Variants in SLC1A1 observed in about 807,000 individuals in gnomAD.
The protein encoded by SLC1A1 is solute carrier family 1 member 1, also known as excitatory amino acid transporter 3.
SLC1A1 carries 43 observed loss-of-function variants against 53.3 expected under a neutral mutation model. The observed-to-expected ratio is 0.81, with a 90% CI of 0.63 to 1.04. SLC1A1 has a LOEUF of 1.04. SLC1A1 is among the 50% of genes least tolerant of loss of function. SLC1A1 has a pLI of 0.00. For synonymous variants in SLC1A1, 307 were observed against 243.2 expected, an observed-to-expected ratio of 1.26 and a Z score of -2.44; for missense variants, 748 against 664.9, an observed-to-expected ratio of 1.12 and a Z score of -1.37.
intron 9 of SLC1A1, 97 bp downstream of exon 9, chr9:4,576,220 A>G: frequency 8.0e-7 from 1 of 1,243,684 alleles, no homozygotes; most frequent in South Asian, 1.2e-5. Flanking sequence ...CGGTTTTTGT[A>G]GCTGTCTTTG....
At chr9:4,522,721 G>A (rs527352158) in intron 1 of SLC1A1, among the ~76,000 whole-genome samples, 4 of 152,168 alleles carry the variant, frequency 2.6e-5, no homozygotes, top group Non-Finnish European at 5.9e-5. Context: ...GAGAGTGTGA[G>A]CGTGTGAAGG....
chr9:4,509,691 C>G (rs78811686), intron 1 of SLC1A1, among the ~76,000 whole-genome samples: 5,641 of 152,106 alleles, frequency 0.037, 150 homozygotes, highest in Middle Eastern at 0.075. Context: ...CAGAGCAGGA[C>G]AAAGAAAGAC....
chr9:4,548,069 CTG>C (rs1057192664), intron 2 of SLC1A1, among the ~76,000 whole-genome samples: 18 of 151,970 alleles, frequency 1.2e-4, no homozygotes, highest in Non-Finnish European at 5.9e-5. Context: ...TCAACTGAAC[CTG>C]TGTTTTTGTT....
chr9:4,496,766 G>C (rs1038183200), intron 1 of SLC1A1, among the ~76,000 whole-genome samples: 1 of 152,040 alleles, frequency 6.6e-6, no homozygotes, highest in Admixed American at 6.5e-5. Flanking sequence ...GCACGATGGT[G>C]CGTGCCTGTG....
At chr9:4,490,910 C>T (rs1820211444) in intron 1 of SLC1A1, 140 bp downstream of exon 1, 1 of 688,688 alleles carries the variant, frequency 1.5e-6, no homozygotes, top group Non-Finnish European at 2.5e-6. Flanking sequence ...GCCTCGGGCC[C>T]CCTGCGGGGG....
intron 1 of SLC1A1, among the ~76,000 whole-genome samples, chr9:4,505,658 G>C (rs1023224859): frequency 6.6e-6 from 1 of 151,858 alleles, no homozygotes; most frequent in African/African-American, 2.4e-5. Flanking sequence ...TGTTGTTGTT[G>C]TTTTTCTTTT....
chr9:4,580,019 G>A (rs887032456), intron 10 of SLC1A1, among the ~76,000 whole-genome samples: 11 of 152,086 alleles, frequency 7.2e-5, no homozygotes, highest in Non-Finnish European at 1.0e-4. Flanking sequence ...CCAGGAGTTC[G>A]AGACAAGCCT....
At chr9:4,545,407 G>A (rs1318178766) in intron 2 of SLC1A1, among the ~76,000 whole-genome samples, 1 of 152,142 alleles carries the variant, frequency 6.6e-6, no homozygotes, top group East Asian at 1.9e-4. Flanking sequence ...AACGTTATCT[G>A]GGGCATGGGA....
At chr9:4,541,652 G>C (rs1407357928) in intron 1 of SLC1A1, among the ~76,000 whole-genome samples, 7 of 152,180 alleles carry the variant, frequency 4.6e-5, no homozygotes, top group African/African-American at 1.4e-4. Context: ...GAGAAACAAA[G>C]GTTACAGCTG....
chr9:4,541,120 G>A (rs1025117185), intron 1 of SLC1A1, among the ~76,000 whole-genome samples: 15 of 152,286 alleles, frequency 9.8e-5, no homozygotes, highest in African/African-American at 3.6e-4. Context: ...GTTTACTTTT[G>A]AGAATTCCTT....
chr9:4,535,439 G>A lies in SLC1A1; in HGVS notation c.92-9128G>A, dbSNP rs545537926. ...ACAGACAAACAGAGAGCCAAATCATGAGTGAACTCCCATTCACAATTGCTT... is the reference window on the plus strand; with the variant it reads ...ACAGACAAACAGAGAGCCAAATCATAAGTGAACTCCCATTCACAATTGCTT... On this transcript the variant is annotated intron_variant, in intron 1 of 11. Coordinates refer to ENST00000262352, the MANE Select transcript of SLC1A1 (RefSeq NM_004170.6). Among the ~76,000 whole-genome samples the A allele has an allele frequency of 3.9e-5, 6 of 152,234 alleles. No individual in the cohort carries two copies. In the South Asian group the frequency reaches 1.0e-3, roughly 26 times the overall value.
intron 1 of SLC1A1, among the ~76,000 whole-genome samples, chr9:4,540,196 G>A (rs945343608): frequency 1.3e-5 from 2 of 152,104 alleles, no homozygotes; most frequent in Admixed American, 6.5e-5. Context: ...CCTCAGGGAG[G>A]AGTCTGGCCA....
intron 3 of SLC1A1, among the ~76,000 whole-genome samples, chr9:4,563,682 A>T (rs1819200943): frequency 6.6e-6 from 1 of 152,138 alleles, no homozygotes; most frequent in Non-Finnish European, 1.5e-5. Flanking sequence ...TGGATACTCA[A>T]GTGACAGGAA....
At chr9:4,548,358 G>A (rs1057208090) in intron 2 of SLC1A1, among the ~76,000 whole-genome samples, 6 of 152,156 alleles carry the variant, frequency 3.9e-5, no homozygotes, top group Non-Finnish European at 2.9e-5. Flanking sequence ...CAGTTATTAG[G>A]CCGAAGGAGG....
rs1046302797 is a variant in SLC1A1 at position 4,556,241 on chromosome 9, A to G, written c.233-5208A>G. ...CACCATGTTGGCCAGGCTGGTCTCA[A>G]ACTCCTGACCTCAGGTGATCCACCT... On this transcript the variant is annotated intron_variant, in intron 2 of 11. Coordinates refer to ENST00000262352, the MANE Select transcript of SLC1A1 (RefSeq NM_004170.6). This position sits in a 1 kb window ranked among gnomAD's most constrained non-coding sequence, Gnocchi z 4.1. Among the ~76,000 whole-genome samples, 13 of 152,136 alleles carry G rather than the reference A, an allele frequency of 8.5e-5. No individual in the cohort carries two copies. The highest frequency in any genetic ancestry group is 1.9e-4 in the Non-Finnish European group (13 of 68,018).
At chr9:4,496,492 T>C (rs1039255798) in intron 1 of SLC1A1, among the ~76,000 whole-genome samples, 5 of 152,066 alleles carry the variant, frequency 3.3e-5, no homozygotes, top group Non-Finnish European at 7.4e-5. Context: ...AGTGCTAGGA[T>C]TACAAGTGCA....
intron 1 of SLC1A1, among the ~76,000 whole-genome samples, chr9:4,505,086 G>A (rs556498430): frequency 3.7e-4 from 46 of 124,768 alleles, no homozygotes; most frequent in East Asian, 1.7e-3. Flanking sequence ...TCACTATGTC[G>A]CCCAGGCTGG....
chr9:4,529,692 T>G (rs10815005), intron 1 of SLC1A1, among the ~76,000 whole-genome samples: 63,701 of 151,770 alleles, frequency 0.42, 13,658 homozygotes, highest in Middle Eastern at 0.46. Flanking sequence ...GAAACTTTTT[T>G]TGTGTGTGTG....
chr9:4,564,474 C>CCTTGTGGCAA lies in SLC1A1; in HGVS notation c.440+16_440+17insCTTGTGGCAA. On this transcript the variant is annotated intron_variant, in intron 4 of 11. Transcript: ENST00000262352. ...ATCTCATCAGGTGAGTGTTTTGCCA[C>CCTTGTGGCAA]AAGGTGGCTTCAAGGGCATGCGGAT... 6.5e-7 allele frequency: 1 copy of CCTTGTGGCAA among 1,536,788 alleles called. No homozygotes were observed. Among genetic ancestry groups the CCTTGTGGCAA allele is most frequent in the Non-Finnish European group, 9.0e-7 (1 of 1,112,124 alleles).
Sources: gnomAD v4.1 joint callset for allele counts (sites outside exome capture counted in the v4.1 genomes callset) on GRCh38, gnomAD v4.1.1 for gene constraint, Gnocchi (gnomAD v3.1) non-coding constraint, MANE v1.5 for transcripts, NCBI Gene and HGNC (gene_info 2026-07-23, HGNC 2026-07-21) for gene names.